MCOLN2: variants seen among roughly 807,000 people sequenced by gnomAD.
MCOLN2 encodes the protein mucolipin-2.
MCOLN2 carries 57 observed loss-of-function variants against 67.5 expected under a neutral mutation model. The ratio of observed to expected loss-of-function variants is 0.84; its 90% confidence interval spans 0.68 to 1.05. The LOEUF (loss-of-function observed/expected upper bound fraction) is 1.05. Among genes scored for constraint, MCOLN2 ranks in the 50% least tolerant of loss-of-function variants. The pLI is 0.00. For missense variants in MCOLN2, 620 were observed against 678.8 expected (o/e 0.91, Z 0.96); for synonymous variants, 246 against 233.3 (o/e 1.05, Z -0.50).
At chr1:84,953,277 C>T (rs893032589) in intron 4 of MCOLN2, among the ~76,000 whole-genome samples, 5 of 152,092 alleles carry the variant, frequency 3.3e-5, no homozygotes, top group African/African-American at 1.2e-4. Flanking sequence ...ATTGGCCAGG[C>T]ACGGTGGCTC....
chr1:84,939,406 C>T (rs1237148336), intron 9 of MCOLN2, 147 bp downstream of exon 9: 3 of 766,358 alleles, frequency 3.9e-6, no homozygotes, highest in South Asian at 4.0e-5. Flanking sequence ...CACGAGGAAC[C>T]AAGCCAGGGG....
chr1:84,937,716 C>T (rs750008962), intron 11 of MCOLN2, 39 bp downstream of exon 11: 15 of 1,611,518 alleles, frequency 9.3e-6, no homozygotes, highest in Middle Eastern at 1.7e-4. Flanking sequence ...AAGGGTCCCA[C>T]GTGCCCCATC....
At chr1:84,963,506 T>G (rs1649201003) in intron 2 of MCOLN2, among the ~76,000 whole-genome samples, 1 of 152,008 alleles carries the variant, frequency 6.6e-6, no homozygotes, top group South Asian at 2.1e-4. Context: ...GGTGATATGG[T>G]TTATATTTGT....
chr1:84,943,371 C>T (rs560002108), intron 7 of MCOLN2, among the ~76,000 whole-genome samples: 41 of 152,190 alleles, frequency 2.7e-4, no homozygotes, highest in African/African-American at 1.9e-4. Flanking sequence ...ATGGGAGTGA[C>T]GGCCCCTCAG....
At chr1:84,987,496 ATACATAGATG>A (rs1332659965) in intron 1 of MCOLN2, among the ~76,000 whole-genome samples, 31 of 1,226 alleles carry the variant, frequency 0.025, 3 homozygotes, top group African/African-American at 0.045. Flanking sequence ...ATACATATGT[ATACATAGATG>A]TATACATATG....
intron 7 of MCOLN2, among the ~76,000 whole-genome samples, chr1:84,943,346 G>C (rs574304000): frequency 4.9e-4 from 74 of 152,278 alleles, no homozygotes; most frequent in African/African-American, 1.8e-3. Flanking sequence ...AGACTATTCA[G>C]TGGCAGTTAA....
intron 1 of MCOLN2, among the ~76,000 whole-genome samples, chr1:84,993,972 G>A (rs1305125486): frequency 6.6e-6 from 1 of 152,094 alleles, no homozygotes; most frequent in Non-Finnish European, 1.5e-5. Context: ...TTGATCCATG[G>A]GCTGCAGAAT....
At chr1:84,959,979 C>T (rs556103156) in intron 2 of MCOLN2, among the ~76,000 whole-genome samples, 2 of 152,178 alleles carry the variant, frequency 1.3e-5, no homozygotes, top group Non-Finnish European at 2.9e-5. Context: ...GTGGGAGGAT[C>T]ACTTAAGCCC....
At chr1:84,953,702 A>C (rs200628790) in intron 4 of MCOLN2, among the ~76,000 whole-genome samples, 20,025 of 152,210 alleles carry the variant, frequency 0.13, 1,627 homozygotes, top group East Asian at 0.26. Flanking sequence ...TATTCAAGTA[A>C]AAACAGATTA....
Position 84,939,767 on chromosome 1 carries a change from G to A in MCOLN2, c.961-65C>T, listed in dbSNP as rs527916021. The A allele has an allele frequency of 6.0e-5, 91 of 1,519,306 alleles. No homozygotes were observed. In the South Asian group the frequency reaches 1.0e-3, roughly 17 times the overall value. The allele number at this position is 1,519,306 out of a possible 1,614,324, so 94.1% of individuals were successfully genotyped here. ...ACTGCCCTCTGGAAGAAGAAGGCAA[G>A]TGCAAAACAGTGCTCTCACCTGTAA... On this transcript the variant is annotated intron_variant, in intron 8 of 13. Coordinates refer to ENST00000370608, the MANE Select transcript of MCOLN2 (RefSeq NM_153259.4).
At chr1:84,974,426 T>C (rs1649896294) in intron 1 of MCOLN2, among the ~76,000 whole-genome samples, 1 of 151,470 alleles carries the variant, frequency 6.6e-6, no homozygotes, top group African/African-American at 2.4e-5. Context: ...GGGGAGGACT[T>C]TGTCTTGCAT....
chr1:84,933,437 C>T (rs1647270612), intron 11 of MCOLN2, among the ~76,000 whole-genome samples: 1 of 152,170 alleles, frequency 6.6e-6, no homozygotes, highest in Admixed American at 6.5e-5. Flanking sequence ...AACTAAAGTC[C>T]TCCTCCAAAA....
At chr1:84,987,579 TAGATATATAC>T (rs1218763643) in intron 1 of MCOLN2, among the ~76,000 whole-genome samples, 6 of 88,768 alleles carry the variant, frequency 6.8e-5, no homozygotes, top group African/African-American at 2.5e-4. Context: ...GATGTATACA[TAGATATATAC>T]ATATGTATAT....
At chr1:84,975,737 C>T (rs1649961664) in intron 1 of MCOLN2, among the ~76,000 whole-genome samples, 1 of 152,050 alleles carries the variant, frequency 6.6e-6, no homozygotes. Flanking sequence ...ACCTTTCAGA[C>T]AGATAATTCA....
In MCOLN2 at chr1:84,987,511, C is replaced by CATATATACAT. The variant is rs1448183869; in HGVS notation, c.77+9284_77+9285insATGTATATAT. 7.2e-4 allele frequency among the ~76,000 whole-genome samples: 19 copies of CATATATACAT among 26,546 alleles called. 3 individuals carry two copies. Among genetic ancestry groups the CATATATACAT allele is most frequent in the Admixed American group, 2.0e-3 (5 of 2,448 alleles). 17.4% of individuals were successfully genotyped at this position (26,546 alleles called of 152,430 possible). Reference sequence around the variant, plus strand: ...ATACATATGTATACATAGATGTATACATATGTATATATGTATACATCTATG... The same window carrying CATATATACAT: ...ATACATATGTATACATAGATGTATACATATATACATATATGTATATATGTATACATCTATG... On this transcript the variant is annotated intron_variant, in intron 1 of 13. Coordinates refer to ENST00000370608, the MANE Select transcript of MCOLN2 (RefSeq NM_153259.4).
chr1:84,993,674 AC>A, intron 1 of MCOLN2, among the ~76,000 whole-genome samples: 1 of 137,544 alleles, frequency 7.3e-6, no homozygotes, highest in East Asian at 2.1e-4. Context: ...CCCAGGCCGG[AC>A]TGCGGACTGC....
In MCOLN2 at chr1:84,965,558, G is replaced by T; in HGVS notation, c.228C>A (p.Val76=). 2 of 1,613,776 alleles carry T rather than the reference G, an allele frequency of 1.2e-6. No homozygotes were observed. Among genetic ancestry groups the T allele is most frequent in the Non-Finnish European group, 1.7e-6 (2 of 1,179,872 alleles). ...LGLQILKIVM[V]TTQLVRFGLS... ...TAATAAGATAGGTTACCTGTGTGGT[G>T]ACCATGACTATCTTCAAAATCTGCA... Residue 76 remains valine (V), a synonymous_variant, in exon 2 of 14, where the codon GTC becomes GTA. Coordinates refer to ENST00000370608, the MANE Select transcript of MCOLN2 (RefSeq NM_153259.4).
intron 3 of MCOLN2, among the ~76,000 whole-genome samples, chr1:84,957,920 A>T (rs554017040): frequency 5.9e-5 from 9 of 152,260 alleles, no homozygotes; most frequent in Non-Finnish European, 1.0e-4. Context: ...GAAAAAGAGC[A>T]GGAACAGTTT....
intron 6 of MCOLN2, among the ~76,000 whole-genome samples, chr1:84,950,789 T>C (rs913692237): frequency 6.6e-6 from 1 of 152,162 alleles, no homozygotes; most frequent in Non-Finnish European, 1.5e-5. Flanking sequence ...AACCAAAGGT[T>C]TGAGAATTAA....
Sources: gnomAD v4.1 joint callset for allele counts (sites outside exome capture counted in the v4.1 genomes callset) on GRCh38, gnomAD v4.1.1 for gene constraint, MANE v1.5 for transcripts, NCBI Gene and HGNC (gene_info 2026-07-23, HGNC 2026-07-21) for gene names.